The following HTR7 variants were observed in gnomAD, a reference collection of about 807,000 sequenced individuals.
HTR7 encodes the protein 5-HT-7.
HTR7 carries 16 observed loss-of-function variants against 34.0 expected under a neutral mutation model. The ratio of observed to expected loss-of-function variants is 0.47; its 90% confidence interval spans 0.32 to 0.71. The LOEUF is 0.71. Ranked by LOEUF, HTR7 falls within the 30% of genes least tolerant of loss-of-function variation. The pLI is 0.04. For synonymous variants in HTR7, 265 were observed against 260.2 expected (o/e 1.02, Z -0.18); for missense variants, 504 against 625.5 (o/e 0.81, Z 2.07).
chr10:90,783,162 G>A (rs1454837692), intron 1 of HTR7, among the ~76,000 whole-genome samples: 2 of 152,180 alleles, frequency 1.3e-5, no homozygotes, highest in African/African-American at 4.8e-5. Flanking sequence ...AGTTTGAAGT[G>A]TTTTTATTTC....
At position 90,796,034 on chromosome 10, in the gene HTR7, A is replaced by C. The variant is rs77975638; in HGVS notation, c.540-46440T>G. ...GACAATAGATTGTATAAATGTTTCT[A>C]ATCAGACTTATTATCTGTGTTGACG... On this transcript the variant is annotated intron_variant, in intron 1 of 3. Transcript: ENST00000336152. Among the ~76,000 whole-genome samples, 375 of 152,324 alleles carry C rather than the reference A, an allele frequency of 2.5e-3. 11 individuals carry two copies. In the East Asian group the frequency reaches 0.066, roughly 27 times the overall value.
chr10:90,799,179 C>A (rs765310745), intron 1 of HTR7, among the ~76,000 whole-genome samples: 5 of 152,166 alleles, frequency 3.3e-5, no homozygotes, highest in African/African-American at 7.2e-5. Flanking sequence ...GGCTTCAACT[C>A]CCTGTGATTT....
At chr10:90,841,394 AG>A (rs1361588399) in intron 1 of HTR7, among the ~76,000 whole-genome samples, 1 of 152,218 alleles carries the variant, frequency 6.6e-6, no homozygotes, top group Non-Finnish European at 1.5e-5. Context: ...GCAGTTCTGT[AG>A]GTCAGAAGTC....
intron 1 of HTR7, among the ~76,000 whole-genome samples, chr10:90,807,906 C>G (rs184268580): frequency 1.3e-5 from 2 of 152,196 alleles, no homozygotes; most frequent in East Asian, 3.8e-4. Context: ...TCTTCTTACT[C>G]TCTTCTTCAA....
intron 1 of HTR7, among the ~76,000 whole-genome samples, chr10:90,816,442 CAATT>C (rs1470669388): frequency 6.6e-6 from 1 of 152,108 alleles, no homozygotes; most frequent in Non-Finnish European, 1.5e-5. Context: ...AACTATAACA[CAATT>C]ATTATTGGAT....
At chr10:90,847,980 A>C (rs1846434698) in intron 1 of HTR7, among the ~76,000 whole-genome samples, 1 of 151,000 alleles carries the variant, frequency 6.6e-6, no homozygotes, top group Non-Finnish European at 1.5e-5. Flanking sequence ...ACTCCAGTCA[A>C]GAAAGAAAAC....
In HTR7 at chr10:90,792,552, A is replaced by G. The variant is rs949511108; in HGVS notation, c.540-42958T>C. On this transcript the variant is annotated intron_variant, in intron 1 of 3. Coordinates refer to ENST00000336152, the MANE Select transcript of HTR7 (RefSeq NM_019859.4). ...ACAAGAGAGCTTTTTTATAAGTTGT[A>G]AAGAGATTATGGATGGTCCCTAACT... 3.3e-5 allele frequency among the ~76,000 whole-genome samples: 5 copies of G among 152,250 alleles called. No individual in the cohort carries two copies. In the East Asian group the frequency reaches 9.6e-4, roughly 29 times the overall value.
At chr10:90,817,406 C>T (rs750574998) in intron 1 of HTR7, among the ~76,000 whole-genome samples, 1 of 152,158 alleles carries the variant, frequency 6.6e-6, no homozygotes, top group Non-Finnish European at 1.5e-5. Context: ...ATGCTTTCAC[C>T]CCTCCCTAAG....
chr10:90,855,672 A>G (rs1477745074), intron 1 of HTR7, among the ~76,000 whole-genome samples: 3 of 152,154 alleles, frequency 2.0e-5, no homozygotes, highest in Non-Finnish European at 2.9e-5. Flanking sequence ...CTGTAAATAC[A>G]TATGTTTTGT....
chr10:90,817,295 G>A (rs1845911768), intron 1 of HTR7, among the ~76,000 whole-genome samples: 1 of 152,132 alleles, frequency 6.6e-6, no homozygotes, highest in Admixed American at 6.5e-5. Flanking sequence ...CACCTTCAGG[G>A]GAGCCATCAG....
At chr10:90,826,995 AATT>A (rs1348221635) in intron 1 of HTR7, among the ~76,000 whole-genome samples, 1 of 151,962 alleles carries the variant, frequency 6.6e-6, no homozygotes, top group East Asian at 1.9e-4. Flanking sequence ...CTGGGCTATA[AATT>A]ATTATTTGCA....
At chr10:90,820,199 T>C (rs1374325423) in intron 1 of HTR7, among the ~76,000 whole-genome samples, 2 of 152,112 alleles carry the variant, frequency 1.3e-5, no homozygotes, top group African/African-American at 4.8e-5. Flanking sequence ...GACAGTTGAG[T>C]CAGGCTGAAA....
chr10:90,748,048 G>C (rs1000188160), intron 2 of HTR7, among the ~76,000 whole-genome samples: 4 of 152,080 alleles, frequency 2.6e-5, no homozygotes, highest in Non-Finnish European at 4.4e-5. Flanking sequence ...TATTGTAATT[G>C]CTTCCTTGAA....
At chr10:90,746,916 TTAGAG>T (rs1192526231) in intron 2 of HTR7, among the ~76,000 whole-genome samples, 2 of 152,218 alleles carry the variant, frequency 1.3e-5, no homozygotes, top group African/African-American at 4.8e-5. Flanking sequence ...CTTTACTTAC[TTAGAG>T]TAACAATTCA....
intron 1 of HTR7, among the ~76,000 whole-genome samples, chr10:90,841,702 C>T (rs1048925111): frequency 2.6e-5 from 4 of 152,100 alleles, no homozygotes; most frequent in Non-Finnish European, 4.4e-5. Flanking sequence ...CCCCTTGAGC[C>T]TTGGAAGACC....
intron 2 of HTR7, among the ~76,000 whole-genome samples, chr10:90,744,340 T>C (rs1004462873): frequency 2.6e-5 from 4 of 151,112 alleles, no homozygotes; most frequent in African/African-American, 9.7e-5. Context: ...CCTGGTTCCA[T>C]GCTTTGTACA....
intron 1 of HTR7, among the ~76,000 whole-genome samples, chr10:90,816,006 T>C (rs915763379): frequency 1.7e-4 from 26 of 152,178 alleles, no homozygotes; most frequent in African/African-American, 4.8e-4. Flanking sequence ...CAGTGCCCCA[T>C]TGAAGTGCCC....
Position 90,857,642 on chromosome 10 carries a change from C to T in HTR7, c.30G>A (p.Pro10=), listed in dbSNP as rs1160474938. The T allele has an allele frequency of 2.5e-6, 4 of 1,592,230 alleles. No homozygotes were observed. Among genetic ancestry groups the T allele is most frequent in the African/African-American group, 1.4e-5 (1 of 74,060 alleles). ...AAGAGCGGAGGTGCCCGTAGAGGTC[C>T]GGGCGGCCGCTGCTGTTAACGTCCA... is the stretch of plus-strand genomic sequence containing the variant. MMDVNSSGR[P]DLYGHLRSFL... The change falls in exon 1 of 4, where the codon CCG becomes CCA. Residue 10 remains proline, a synonymous_variant. Transcript: ENST00000336152. The surrounding 1 kb of genome is among the most constrained non-coding windows in gnomAD (Gnocchi z 6.5).
intron 1 of HTR7, among the ~76,000 whole-genome samples, chr10:90,842,571 T>C (rs528584143): frequency 5.9e-5 from 9 of 152,212 alleles, no homozygotes; most frequent in Admixed American, 5.2e-4. Context: ...TTAAATGAGA[T>C]GAATCATGCA....
Sources: gnomAD v4.1 joint callset for allele counts (sites outside exome capture counted in the v4.1 genomes callset) on GRCh38, gnomAD v4.1.1 for gene constraint, Gnocchi (gnomAD v3.1) non-coding constraint, MANE v1.5 for transcripts, NCBI Gene and HGNC (gene_info 2026-07-23, HGNC 2026-07-21) for gene names.